The following KIF6 variants were observed in gnomAD, a reference collection of about 807,000 sequenced individuals.
KIF6 encodes kinesin family member 6.
A neutral mutation model predicts 112.7 loss-of-function variants in KIF6; 106 were observed. The observed-to-expected ratio is 0.94, with a 90% CI of 0.80 to 1.11. The LOEUF is 1.11. Among genes scored for constraint, KIF6 ranks in the 50% least tolerant of loss-of-function variants. The pLI, the probability that KIF6 is intolerant of heterozygous loss-of-function variation, is 0.00. For synonymous variants in KIF6, 339 were observed against 339.9 expected (o/e 1.00, Z 0.03); for missense variants, 929 against 964.0 (o/e 0.96, Z 0.48).
intron 3 of KIF6, among the ~76,000 whole-genome samples, chr6:39,670,386 C>G (rs1279837406): frequency 6.6e-6 from 1 of 152,044 alleles, no homozygotes. Flanking sequence ...AGAAGCCTTA[C>G]CAATAACATA....
Position 39,657,147 on chromosome 6 carries a change from C to T in KIF6, c.252-17390G>A, listed in dbSNP as rs539360918. On this transcript the variant is annotated intron_variant, in intron 3 of 22. Coordinates refer to ENST00000287152, the MANE Select transcript of KIF6 (RefSeq NM_145027.6). ...ACTCGGGAGGCTGAGGTAGGAGAATCGCTTGAACCCTGGAGGCGGAGGTTG... is the reference window on the plus strand; with the variant it reads ...ACTCGGGAGGCTGAGGTAGGAGAATTGCTTGAACCCTGGAGGCGGAGGTTG... Among the ~76,000 whole-genome samples the T allele has an allele frequency of 5.9e-5, 9 of 151,452 alleles. No individual in the cohort carries two copies. In the East Asian group the frequency reaches 9.8e-4, roughly 16 times the overall value.
intron 5 of KIF6, among the ~76,000 whole-genome samples, chr6:39,616,448 C>T (rs1383563934): frequency 6.6e-6 from 1 of 152,168 alleles, no homozygotes; most frequent in Non-Finnish European, 1.5e-5. Flanking sequence ...AAAGTAAATA[C>T]AAAGGCAGGT....
chr6:39,708,854 G>C (rs1485041127), intron 3 of KIF6, among the ~76,000 whole-genome samples: 1 of 150,714 alleles, frequency 6.6e-6, no homozygotes, highest in Non-Finnish European at 1.5e-5. Flanking sequence ...ACATATTCCA[G>C]AGATTGATGC....
At position 39,714,709 on chromosome 6, in the gene KIF6, G is replaced by A. The variant is rs760082272; in HGVS notation, c.234C>T (p.Ala78=). The A allele has an allele frequency of 3.1e-6, 5 of 1,613,614 alleles. No homozygotes were observed. In the South Asian group the frequency reaches 4.4e-5, roughly 14 times the overall value. Residue 78 remains alanine, a synonymous_variant, in exon 3 of 23, where the codon GCC becomes GCT. Transcript: ENST00000287152. ...ANQETVFENI[A]KPVAGSVLAG... ...AATCCTACCTCCCAGCAACTGGTTT[G>A]GCAATGTTTTCAAAAACGGTCTCTT... is the stretch of plus-strand genomic sequence containing the variant.
chr6:39,644,174 GAC>G (rs1785047399), intron 3 of KIF6, among the ~76,000 whole-genome samples: 1 of 151,098 alleles, frequency 6.6e-6, no homozygotes, highest in Non-Finnish European at 1.5e-5. Context: ...AAAAAAAAGA[GAC>G]AATGAGAAGT....
At chr6:39,581,659 A>ATT (rs376214187) in intron 9 of KIF6, among the ~76,000 whole-genome samples, 13 of 148,042 alleles carry the variant, frequency 8.8e-5, no homozygotes, top group Non-Finnish European at 1.6e-4. Context: ...TAGTGGATAG[A>ATT]TTTTTTTTTT....
intron 3 of KIF6, among the ~76,000 whole-genome samples, chr6:39,702,314 T>C (rs547248860): frequency 6.6e-6 from 1 of 152,312 alleles, no homozygotes; most frequent in South Asian, 2.1e-4. Flanking sequence ...TGGGCAATGC[T>C]TCTAGCCCCT....
intron 16 of KIF6, among the ~76,000 whole-genome samples, chr6:39,366,968 G>A (rs1765605569): frequency 6.6e-6 from 1 of 151,904 alleles, no homozygotes; most frequent in Admixed American, 6.6e-5. Flanking sequence ...GCGCCAGGAA[G>A]CCGGGAGTCT....
intron 9 of KIF6, among the ~76,000 whole-genome samples, chr6:39,584,184 G>A (rs1175747339): frequency 6.6e-6 from 1 of 151,672 alleles, no homozygotes; most frequent in Non-Finnish European, 1.5e-5. Flanking sequence ...CACTTTGGGA[G>A]GCCAAGGTGG....
At chr6:39,396,124 G>A (rs1322488450) in intron 15 of KIF6, among the ~76,000 whole-genome samples, 1 of 152,226 alleles carries the variant, frequency 6.6e-6, no homozygotes, top group Non-Finnish European at 1.5e-5. Flanking sequence ...GGTGCTTCAT[G>A]ATGTGGGAAT....
chr6:39,585,564 A>G (rs1266438191), intron 8 of KIF6, among the ~76,000 whole-genome samples: 1 of 152,232 alleles, frequency 6.6e-6, no homozygotes, highest in Non-Finnish European at 1.5e-5. Flanking sequence ...ACAAGGTCCT[A>G]AGTGGCAGCT....
Position 39,540,224 on chromosome 6 carries a change from G to A in KIF6, c.1427-3C>T, listed in dbSNP as rs534288916. The stretch of plus-strand genomic sequence containing the variant: ...TTTTAACATGTTGACCAGGATATCT[G>A]AAACTTGACTTAAGGATTTAATGCC... On this transcript the variant is annotated splice_polypyrimidine_tract_variant and splice_region_variant and intron_variant, in intron 12 of 22. Transcript: ENST00000287152. 21 of 1,588,674 alleles carry A rather than the reference G, an allele frequency of 1.3e-5. No homozygotes were observed. The South Asian group carries it at 2.2e-4, about 16-fold the overall frequency.
chr6:39,432,897 C>G (rs960039019), intron 13 of KIF6, among the ~76,000 whole-genome samples: 1 of 152,132 alleles, frequency 6.6e-6, no homozygotes, highest in African/African-American at 2.4e-5. Flanking sequence ...CACACTGGAG[C>G]CTGCTTGGGG....
intron 5 of KIF6, among the ~76,000 whole-genome samples, chr6:39,618,771 A>C (rs1783662078): frequency 6.6e-6 from 1 of 152,200 alleles, no homozygotes; most frequent in Admixed American, 6.5e-5. Flanking sequence ...CTTTGTACTG[A>C]CTTCAAGTCA....
At chr6:39,456,245 C>A (rs1358714927) in intron 13 of KIF6, among the ~76,000 whole-genome samples, 1 of 55,542 alleles carries the variant, frequency 1.8e-5, no homozygotes, top group Non-Finnish European at 3.4e-5. Flanking sequence ...AATTTTCAAC[C>A]CAGAATTTCA....
At chr6:39,546,259 T>C (rs1383004491) in intron 10 of KIF6, among the ~76,000 whole-genome samples, 1 of 152,192 alleles carries the variant, frequency 6.6e-6, no homozygotes, top group Non-Finnish European at 1.5e-5. Flanking sequence ...TCAGAGTGTC[T>C]CTGCCTCACT....
intron 3 of KIF6, among the ~76,000 whole-genome samples, chr6:39,694,283 A>G (rs1370437313): frequency 6.6e-6 from 1 of 152,046 alleles, no homozygotes; most frequent in Non-Finnish European, 1.5e-5. Flanking sequence ...CACTCTCACC[A>G]CTCCTGCTCA....
At chr6:39,650,494 T>C (rs540928218) in intron 3 of KIF6, among the ~76,000 whole-genome samples, 1 of 151,872 alleles carries the variant, frequency 6.6e-6, no homozygotes, top group African/African-American at 2.4e-5. Flanking sequence ...ATAAAAAGTA[T>C]ATATTTACAT....
At chr6:39,337,488 T>C (rs1178531736) in intron 22 of KIF6, among the ~76,000 whole-genome samples, 1 of 151,688 alleles carries the variant, frequency 6.6e-6, no homozygotes, top group African/African-American at 2.4e-5. Flanking sequence ...AATTTTTGTA[T>C]TTTTACTAGA....
Sources: allele counts gnomAD v4.1 joint callset (sites outside exome capture counted in the v4.1 genomes callset), GRCh38; gene constraint gnomAD v4.1.1; transcripts MANE v1.5; gene names NCBI Gene and HGNC (gene_info 2026-07-23, HGNC 2026-07-21).